TXNDC16: variants seen among roughly 807,000 people sequenced by gnomAD.
TXNDC16 encodes thioredoxin domain containing 16.
A neutral mutation model predicts 85.6 loss-of-function variants in TXNDC16; 74 were observed. The ratio of observed to expected loss-of-function variants is 0.86; its 90% confidence interval spans 0.72 to 1.05. TXNDC16 has a LOEUF of 1.05. Among genes scored for constraint, TXNDC16 ranks in the 50% least tolerant of loss-of-function variants. TXNDC16 has a pLI of 0.00. For missense variants in TXNDC16, 959 were observed against 947.0 expected (o/e 1.01, Z -0.17); for synonymous variants, 335 against 326.5 (o/e 1.03, Z -0.28).
At chr14:52,460,129 C>A (rs2035619869) in intron 16 of TXNDC16, among the ~76,000 whole-genome samples, 1 of 152,162 alleles carries the variant, frequency 6.6e-6, no homozygotes, top group African/African-American at 2.4e-5. Context: ...AATCTCAGCA[C>A]TTTGGGAGGC....
chr14:52,543,681 T>C, intron 2 of TXNDC16, 51 bp from the exon 3 acceptor site: 2 of 1,057,268 alleles, frequency 1.9e-6, no homozygotes, highest in Non-Finnish European at 2.7e-6. Flanking sequence ...ATTTGTTAAA[T>C]GAATGAATGA....
At chr14:52,530,169 AT>A (rs1275667507) in intron 6 of TXNDC16, among the ~76,000 whole-genome samples, 1 of 86,276 alleles carries the variant, frequency 1.2e-5, no homozygotes, top group Non-Finnish European at 2.0e-5. Flanking sequence ...TATATATATT[AT>A]ATTATATATA....
intron 6 of TXNDC16, among the ~76,000 whole-genome samples, chr14:52,528,847 G>A (rs199862925): frequency 9.8e-5 from 11 of 111,942 alleles, no homozygotes; most frequent in South Asian, 6.3e-4. Flanking sequence ...ATATATATAT[G>A]TGTGTGTGTA....
chr14:52,486,427 G>T (rs2036273854), intron 12 of TXNDC16, among the ~76,000 whole-genome samples: 1 of 151,934 alleles, frequency 6.6e-6, no homozygotes, highest in Admixed American at 6.6e-5. Flanking sequence ...GGGATTACAG[G>T]CACATACCAC....
intron 6 of TXNDC16, among the ~76,000 whole-genome samples, chr14:52,529,526 T>A (rs80207654): frequency 2.7e-4 from 28 of 102,682 alleles, no homozygotes; most frequent in East Asian, 1.5e-3. Flanking sequence ...ATTATATATA[T>A]TATATATAAT....
chr14:52,521,850 C>G (rs575203984), intron 6 of TXNDC16, among the ~76,000 whole-genome samples: 59 of 152,330 alleles, frequency 3.9e-4, no homozygotes, highest in African/African-American at 1.4e-3. Context: ...CATATTCACA[C>G]ACAGGCAACA....
At chr14:52,434,117 T>C (rs547443367) in intron 20 of TXNDC16, among the ~76,000 whole-genome samples, 136 of 152,282 alleles carry the variant, frequency 8.9e-4, no homozygotes, top group African/African-American at 3.0e-3. Context: ...TGAGCCCAGA[T>C]GGTTGAGGCT....
chr14:52,535,899 T>C (rs1566586580), intron 6 of TXNDC16, among the ~76,000 whole-genome samples: 1 of 151,922 alleles, frequency 6.6e-6, no homozygotes, highest in Non-Finnish European at 1.5e-5. Flanking sequence ...GGTGCATGCC[T>C]ATAGGTCCCA....
At position 52,449,206 on chromosome 14, in the gene TXNDC16, C is replaced by T. The variant is rs12888982; in HGVS notation, c.1842+6118G>A. Among the ~76,000 whole-genome samples, 1,031 of 151,740 alleles carry T rather than the reference C, an allele frequency of 6.8e-3. 10 individuals are homozygous for T. The highest frequency in any genetic ancestry group is 9.0e-3 in the Non-Finnish European group (611 of 67,850). On this transcript the variant is annotated intron_variant, in intron 18 of 20. Coordinates refer to ENST00000281741, the MANE Select transcript of TXNDC16 (RefSeq NM_020784.3). The stretch of plus-strand genomic sequence containing the variant: ...CATGATCAGTTGCCTAAAAGAAACA[C>T]ACTTCACCTATAATGATATACAAAG...
At chr14:52,487,487 ATATT>A (rs1295995703) in intron 12 of TXNDC16, among the ~76,000 whole-genome samples, 1 of 152,236 alleles carries the variant, frequency 6.6e-6, no homozygotes, top group Non-Finnish European at 1.5e-5. Flanking sequence ...TGATTTAGAA[ATATT>A]TATAGACTAG....
chr14:52,475,459 A>G (rs1432380767), intron 14 of TXNDC16, among the ~76,000 whole-genome samples: 1 of 152,132 alleles, frequency 6.6e-6, no homozygotes, highest in Admixed American at 6.5e-5. Context: ...GCCTGGAAAC[A>G]GACTTGGTGC....
chr14:52,504,469 T>C (rs2036742264), intron 9 of TXNDC16, among the ~76,000 whole-genome samples: 1 of 152,130 alleles, frequency 6.6e-6, no homozygotes, highest in Non-Finnish European at 1.5e-5. Flanking sequence ...CCAGCCAAAC[T>C]AAGCTTCATA....
chr14:52,479,337 T>A (rs932444315), intron 14 of TXNDC16, among the ~76,000 whole-genome samples: 1 of 151,914 alleles, frequency 6.6e-6, no homozygotes, highest in Non-Finnish European at 1.5e-5. Context: ...GAGAAAGAAA[T>A]AAAGGCATCC....
intron 6 of TXNDC16, among the ~76,000 whole-genome samples, chr14:52,531,501 A>G (rs991930857): frequency 2.0e-4 from 31 of 152,214 alleles, no homozygotes; most frequent in Middle Eastern, 3.2e-3. Flanking sequence ...TGAACTATCA[A>G]GCCATGAAAA....
rs552004648 is a variant in TXNDC16 at position 52,529,904 on chromosome 14, A to G, written c.392+6815T>C. ...ATATATGAATTATATATTATATATT[A>G]TATATTATATAATATACATTATATA... is the stretch of plus-strand genomic sequence containing the variant. On this transcript the variant is annotated intron_variant, in intron 6 of 20. Coordinates refer to ENST00000281741, the MANE Select transcript of TXNDC16 (RefSeq NM_020784.3). Among the ~76,000 whole-genome samples the G allele has an allele frequency of 3.5e-3, 384 of 110,872 alleles. 2 individuals are homozygous for G. The highest frequency in any genetic ancestry group is 0.014 in the African/African-American group (367 of 26,812). The allele number at this position is 110,872 out of a possible 152,430, so 72.7% of individuals were successfully genotyped here. A position where few individuals can be genotyped will look rare whatever the true frequency, so the allele number is the denominator to read the frequency against.
At chr14:52,506,265 C>A (rs2036797048) in intron 9 of TXNDC16, among the ~76,000 whole-genome samples, 1 of 151,914 alleles carries the variant, frequency 6.6e-6, no homozygotes, top group Non-Finnish European at 1.5e-5. Flanking sequence ...GGCAGAGACA[C>A]AACAAAAAAA....
chr14:52,537,480 A>G, intron 5 of TXNDC16, 119 bp downstream of exon 5: 1 of 727,958 alleles, frequency 1.4e-6, no homozygotes, highest in Non-Finnish European at 2.3e-6. Flanking sequence ...ACTTTTGGTT[A>G]AGCTTTACAT....
intron 8 of TXNDC16, among the ~76,000 whole-genome samples, chr14:52,514,191 A>T (rs2037024848): frequency 6.6e-6 from 1 of 152,184 alleles, no homozygotes; most frequent in African/African-American, 2.4e-5. Context: ...GTAGAGCTGT[A>T]AAACATCTGG....
rs2036181880 is a variant in TXNDC16 at position 52,482,875 on chromosome 14, G to A, written c.1199C>T (p.Thr400Ile). The change falls in exon 13 of 21, where the codon ACA becomes ATA. Residue 400 changes from threonine (T) to isoleucine (I), a missense_variant. Transcript: ENST00000281741. ...AGAAGCCATCACTGTTGCATTAAATGTTTCTTCTGTTAGTTCCACTGTAAG... is the reference window on the plus strand; with the variant it reads ...AGAAGCCATCACTGTTGCATTAAATATTTCTTCTGTTAGTTCCACTGTAAG... ...LELTVELTEE[T>I]FNATVMASDS... 6.2e-7 allele frequency: 1 copy of A among 1,612,308 alleles called. No individual in the cohort carries two copies. Among genetic ancestry groups the A allele is most frequent in the Non-Finnish European group, 8.5e-7 (1 of 1,179,386 alleles).
Sources: allele counts gnomAD v4.1 joint callset (sites outside exome capture counted in the v4.1 genomes callset), GRCh38; gene constraint gnomAD v4.1.1; transcripts MANE v1.5; gene names NCBI Gene and HGNC (gene_info 2026-07-23, HGNC 2026-07-21).